CDH13: variants seen among roughly 807,000 people sequenced by gnomAD.
CDH13 encodes cadherin-13.
A neutral mutation model predicts 63.8 loss-of-function variants in CDH13; 24 were observed. The observed-to-expected ratio is 0.38, with a 90% CI of 0.27 to 0.53. The LOEUF is 0.53. Among genes scored for constraint, CDH13 ranks in the 20% least tolerant of loss-of-function variants. The pLI is 0.85. For missense variants in CDH13, 1,049 were observed against 903.1 expected (o/e 1.16, Z -2.07); for synonymous variants, 503 against 355.3 (o/e 1.42, Z -4.67).
At chr16:83,308,464 C>T (rs2089928331) in intron 5 of CDH13, among the ~76,000 whole-genome samples, 1 of 152,220 alleles carries the variant, frequency 6.6e-6, no homozygotes, top group Non-Finnish European at 1.5e-5. Flanking sequence ...TGAATTCCTT[C>T]AAACTTGAGA....
intron 3 of CDH13, among the ~76,000 whole-genome samples, chr16:83,072,615 C>T (rs1354979118): frequency 6.6e-6 from 1 of 152,100 alleles, no homozygotes; most frequent in Admixed American, 6.5e-5. Flanking sequence ...CTTCTTTTAC[C>T]AGCTGTGTGA....
intron 2 of CDH13, among the ~76,000 whole-genome samples, chr16:82,904,723 T>C (rs934534874): frequency 1.3e-5 from 2 of 152,172 alleles, no homozygotes; most frequent in African/African-American, 2.4e-5. Flanking sequence ...ATAATTTAAG[T>C]GAAGCAGGTT....
rs1367853540 is a variant in CDH13, at chr16:83,080,884, T to TTTTTTG, written c.367-44496_367-44495insGTTTTT. On this transcript the variant is annotated intron_variant, in intron 3 of 13. Transcript: ENST00000567109. ...TTTTGTTTTTGTGTTTTTTTTTTTT[T>TTTTTTG]TTTTTTTTTTTTTTGAGACAGAGTT... Among the ~76,000 whole-genome samples, 11 of 119,740 alleles carry TTTTTTG rather than the reference T, an allele frequency of 9.2e-5. 1 individual carries two copies. Among genetic ancestry groups the TTTTTTG allele is most frequent in the Non-Finnish European group, 1.9e-4 (11 of 58,218 alleles). The allele number at this position is 119,740 out of a possible 152,430, so 78.6% of individuals were successfully genotyped here. A position where few individuals can be genotyped will look rare whatever the true frequency, so the allele number is the denominator to read the frequency against.
At chr16:83,279,588 C>T (rs1049039638) in intron 5 of CDH13, among the ~76,000 whole-genome samples, 8 of 152,060 alleles carry the variant, frequency 5.3e-5, no homozygotes, top group African/African-American at 1.2e-4. Context: ...ATTAATGAGT[C>T]GAAATTATCC....
chr16:82,809,562 G>A (rs9319574), intron 1 of CDH13, among the ~76,000 whole-genome samples: 108,674 of 151,974 alleles, frequency 0.72, 39,594 homozygotes, highest in Non-Finnish European at 0.79. Flanking sequence ...TCAGGTCTGA[G>A]TTTACAGCCA....
At chr16:82,818,625 C>T (rs1368345583) in intron 1 of CDH13, among the ~76,000 whole-genome samples, 2 of 152,146 alleles carry the variant, frequency 1.3e-5, no homozygotes, top group African/African-American at 4.8e-5. Context: ...CCAACATTTA[C>T]CTTTTAGAGG....
At chr16:83,655,240 ACTT>A (rs1567487347) in intron 8 of CDH13, 1 of 152,124 alleles carries the variant, frequency 6.6e-6, no homozygotes, top group African/African-American at 2.4e-5. Context: ...GCAGGTACCC[ACTT>A]CTTAGGATGT....
At position 82,872,419 on chromosome 16, in the gene CDH13, A is replaced by G. The variant is rs188623105; in HGVS notation, c.157+13946A>G. Among the ~76,000 whole-genome samples, 469 of 152,354 alleles carry G rather than the reference A, an allele frequency of 3.1e-3. 3 individuals carry two copies. The highest frequency in any genetic ancestry group is 0.011 in the African/African-American group (452 of 41,582). On this transcript the variant is annotated intron_variant, in intron 2 of 13. Coordinates refer to ENST00000567109, the MANE Select transcript of CDH13 (RefSeq NM_001257.5). ...TCTGTTTTTCTTTAAGGAATTAAGA[A>G]TACAGGAACATACGGATGTTACAGG... is the stretch of plus-strand genomic sequence containing the variant.
intron 2 of CDH13, among the ~76,000 whole-genome samples, chr16:82,969,529 G>A (rs981600273): frequency 6.8e-5 from 10 of 147,790 alleles, no homozygotes; most frequent in African/African-American, 2.0e-4. Flanking sequence ...CTGGAAGAGT[G>A]GAAAGATGAT....
At chr16:83,577,187 T>A (rs1334960057) in intron 7 of CDH13, among the ~76,000 whole-genome samples, 1 of 152,204 alleles carries the variant, frequency 6.6e-6, no homozygotes, top group Non-Finnish European at 1.5e-5. Flanking sequence ...AGCTGCAGAC[T>A]CACTTGTGAA....
At chr16:83,050,201 C>A (rs2030147231) in intron 3 of CDH13, among the ~76,000 whole-genome samples, 1 of 152,080 alleles carries the variant, frequency 6.6e-6, no homozygotes, top group Non-Finnish European at 1.5e-5. Flanking sequence ...CCTACTGTCG[C>A]CATAACTCTA....
intron 3 of CDH13, among the ~76,000 whole-genome samples, chr16:83,116,891 G>T (rs750689759): frequency 6.6e-6 from 1 of 152,210 alleles, no homozygotes; most frequent in African/African-American, 2.4e-5. Flanking sequence ...TGTGGGAGGA[G>T]CCTGAGTGTT....
intron 5 of CDH13, among the ~76,000 whole-genome samples, chr16:83,341,341 G>A (rs967660312): frequency 3.3e-5 from 5 of 152,230 alleles, no homozygotes; most frequent in South Asian, 4.1e-4. Flanking sequence ...CCTGACTTCA[G>A]AAAGTTTGGC....
intron 2 of CDH13, among the ~76,000 whole-genome samples, chr16:82,946,720 C>CAAA (rs55633638): frequency 1.3e-5 from 2 of 148,880 alleles, no homozygotes; most frequent in Admixed American, 1.3e-4. Flanking sequence ...AACTCTGTCT[C>CAAA]AAAAAAAAGA....
intron 5 of CDH13, among the ~76,000 whole-genome samples, chr16:83,312,243 A>T (rs2090017157): frequency 6.6e-6 from 1 of 152,216 alleles, no homozygotes; most frequent in East Asian, 1.9e-4. Flanking sequence ...GTCCATACAG[A>T]TGCGGACCAG....
At chr16:82,841,202 C>A (rs1333367600) in intron 1 of CDH13, among the ~76,000 whole-genome samples, 1 of 152,128 alleles carries the variant, frequency 6.6e-6, no homozygotes, top group Non-Finnish European at 1.5e-5. Context: ...CGGTGAAAAT[C>A]CCTGATATTT....
At chr16:83,017,014 T>G (rs1003241398) in intron 2 of CDH13, among the ~76,000 whole-genome samples, 62 of 152,278 alleles carry the variant, frequency 4.1e-4, no homozygotes, top group South Asian at 1.0e-3. Context: ...CGTAGGAACT[T>G]CAAATCTCAA....
chr16:83,119,360 G>A (rs1487872795), intron 3 of CDH13, among the ~76,000 whole-genome samples: 1 of 152,060 alleles, frequency 6.6e-6, no homozygotes, highest in African/African-American at 2.4e-5. Flanking sequence ...TCTCCCTCCT[G>A]AATGCAATTC....
chr16:82,931,250 TGTAATTGA>T (rs1306488170), intron 2 of CDH13, among the ~76,000 whole-genome samples: 10 of 152,346 alleles, frequency 6.6e-5, no homozygotes, highest in Admixed American at 6.5e-4. Flanking sequence ...TTTCTCATCA[TGTAATTGA>T]AGGTCACTAG....
Sources: gnomAD v4.1 joint callset for allele counts (sites outside exome capture counted in the v4.1 genomes callset) on GRCh38, gnomAD v4.1.1 for gene constraint, MANE v1.5 for transcripts, NCBI Gene and HGNC (gene_info 2026-07-23, HGNC 2026-07-21) for gene names.